The following TBC1D14 variants were observed in gnomAD, a reference collection of about 807,000 sequenced individuals.
The protein encoded by TBC1D14 is TBC1 domain family, member 14.
In TBC1D14, 26 loss-of-function variants were observed where a neutral mutation model predicts 79.0. That is an observed-to-expected ratio of 0.33 (90% confidence interval 0.24 to 0.46). TBC1D14 has a LOEUF of 0.46. Ranked by LOEUF, TBC1D14 falls within the 20% of genes least tolerant of loss-of-function variation. The pLI is 1.00. For missense variants in TBC1D14, 769 were observed against 887.6 expected (o/e 0.87, Z 1.70); for synonymous variants, 394 against 349.9 (o/e 1.13, Z -1.40).
chr4:6,920,428 C>T (rs1053365270), intron 1 of TBC1D14, among the ~76,000 whole-genome samples: 5 of 152,174 alleles, frequency 3.3e-5, no homozygotes, highest in African/African-American at 1.2e-4. Context: ...GCATGAGCCA[C>T]TGCACCTGGC....
At chr4:6,990,056 G>A (rs1238448919) in intron 3 of TBC1D14, among the ~76,000 whole-genome samples, 1 of 152,234 alleles carries the variant, frequency 6.6e-6, no homozygotes, top group Non-Finnish European at 1.5e-5. Flanking sequence ...GAAGCAAATT[G>A]TATTTATGTA....
At chr4:6,941,565 A>AGCTGTGG (rs1712914703) in intron 2 of TBC1D14, among the ~76,000 whole-genome samples, 1 of 152,112 alleles carries the variant, frequency 6.6e-6, no homozygotes, top group African/African-American at 2.4e-5. Context: ...ACTTGCTGTG[A>AGCTGTGG]AGCTGTGGAG....
At chr4:6,971,657 T>A (rs1055356678) in intron 3 of TBC1D14, among the ~76,000 whole-genome samples, 3 of 152,190 alleles carry the variant, frequency 2.0e-5, no homozygotes, top group Non-Finnish European at 2.9e-5. Flanking sequence ...GCTGTCCAGT[T>A]GCGGTCCCCG....
At chr4:6,947,313 C>T (rs543283416) in intron 2 of TBC1D14, among the ~76,000 whole-genome samples, 20 of 152,206 alleles carry the variant, frequency 1.3e-4, no homozygotes, top group African/African-American at 3.9e-4. Flanking sequence ...CTGACTACCA[C>T]GGTGAAACCC....
At chr4:6,982,046 A>T (rs999260467) in intron 3 of TBC1D14, among the ~76,000 whole-genome samples, 1 of 152,266 alleles carries the variant, frequency 6.6e-6, no homozygotes, top group African/African-American at 2.4e-5. Flanking sequence ...GCACAATGGT[A>T]CAGCCATTCT....
At chr4:6,954,195 C>G (rs4484301) in intron 2 of TBC1D14, 326,290 of 690,534 alleles carry the variant, frequency 0.47, 79,574 homozygotes, top group East Asian at 0.64. Context: ...CCGAGTGCAC[C>G]CATGGAGTTT....
intron 3 of TBC1D14, among the ~76,000 whole-genome samples, chr4:6,992,894 C>T (rs147007706): frequency 1.3e-5 from 2 of 152,206 alleles, no homozygotes; most frequent in African/African-American, 4.8e-5. Context: ...TGTTAAGCCA[C>T]AGTAAACAGT....
At chr4:6,923,159 G>A (rs1307312741) in intron 1 of TBC1D14, among the ~76,000 whole-genome samples, 1 of 152,202 alleles carries the variant, frequency 6.6e-6, no homozygotes, top group Non-Finnish European at 1.5e-5. Context: ...CCCAGATGGC[G>A]CCACTGCCCT....
chr4:6,978,740 A>G, intron 3 of TBC1D14, among the ~76,000 whole-genome samples: 1 of 114,750 alleles, frequency 8.7e-6, no homozygotes, highest in Non-Finnish European at 1.8e-5. Context: ...TGATCAATTA[A>G]AAAAAAAAAA....
Position 6,933,594 on chromosome 4 carries a change from C to A in TBC1D14, c.722+9483C>A, listed in dbSNP as rs182583870. 2.0e-3 allele frequency among the ~76,000 whole-genome samples: 300 copies of A among 152,204 alleles called. 1 individual carries two copies. The highest frequency in any genetic ancestry group is 3.6e-3 in the Non-Finnish European group (247 of 68,006). ...GTGTTGGGATTGAGCCACCATGACC[C>A]ACTGTGCCTGGCCTACCTCTGTTTC... On this transcript the variant is annotated intron_variant, in intron 2 of 13. Coordinates refer to ENST00000409757, the MANE Select transcript of TBC1D14 (RefSeq NM_020773.3).
At chr4:7,002,839 A>G (rs1274928094) in intron 7 of TBC1D14, among the ~76,000 whole-genome samples, 1 of 152,184 alleles carries the variant, frequency 6.6e-6, no homozygotes, top group Admixed American at 6.5e-5. Flanking sequence ...GCATCATATT[A>G]GGTTCTTTAC....
At chr4:6,968,782 C>T (rs1375614708) in intron 3 of TBC1D14, among the ~76,000 whole-genome samples, 1 of 152,226 alleles carries the variant, frequency 6.6e-6, no homozygotes, top group Non-Finnish European at 1.5e-5. Flanking sequence ...TTTGCAGAGC[C>T]TCTGAGTGTT....
At chr4:7,028,428 TG>T (rs1722689914) in intron 13 of TBC1D14, among the ~76,000 whole-genome samples, 1 of 151,388 alleles carries the variant, frequency 6.6e-6, no homozygotes, top group African/African-American at 2.4e-5. Context: ...GTCAGTTTTT[TG>T]TTTGTTTTTT....
intron 12 of TBC1D14, among the ~76,000 whole-genome samples, chr4:7,016,343 C>A (rs1406541604): frequency 6.6e-6 from 1 of 152,208 alleles, no homozygotes; most frequent in Non-Finnish European, 1.5e-5. Context: ...GACCTTTATT[C>A]AGCAAATGGT....
At position 6,994,207 on chromosome 4, in the gene TBC1D14, A is replaced by G; in HGVS notation, c.867A>G (p.Arg289=). Residue 289 remains arginine (R), a synonymous_variant, in exon 4 of 14, where the codon AGA becomes AGG. Transcript: ENST00000409757. Reference sequence around the variant, plus strand: ...AGGAATATGAAGACAAGGCTGGAAGACCTAGCAAGCCACCCTCTCCAAAGC... The same window carrying G: ...AGGAATATGAAGACAAGGCTGGAAGGCCTAGCAAGCCACCCTCTCCAAAGC... ...IQKEYEDKAG[R]PSKPPSPKQN... The G allele has an allele frequency of 1.2e-6, 2 of 1,614,190 alleles. No individual in the cohort carries two copies. Among genetic ancestry groups the G allele is most frequent in the South Asian group, 1.1e-5 (1 of 91,080 alleles).
chr4:6,971,065 G>T (rs1218459831), intron 3 of TBC1D14, among the ~76,000 whole-genome samples: 1 of 151,064 alleles, frequency 6.6e-6, no homozygotes, highest in Non-Finnish European at 1.5e-5. Flanking sequence ...ACACTGGCCA[G>T]GAGCTTTGGA....
intron 1 of TBC1D14, among the ~76,000 whole-genome samples, chr4:6,919,242 G>A (rs1723644080): frequency 6.6e-6 from 1 of 151,954 alleles, no homozygotes; most frequent in South Asian, 2.1e-4. Context: ...CACCTCCCGG[G>A]TTCAAGCTAT....
intron 3 of TBC1D14, among the ~76,000 whole-genome samples, chr4:6,990,518 A>T (rs555771724): frequency 1.3e-5 from 2 of 152,162 alleles, no homozygotes; most frequent in African/African-American, 4.8e-5. Context: ...AGTTTATTTT[A>T]CCTGTTAGTC....
At position 7,030,312 on chromosome 4, in the gene TBC1D14, C is replaced by T; in HGVS notation, c.2017-15C>T. 6.2e-7 allele frequency: 1 copy of T among 1,613,204 alleles called. No homozygotes were observed. On this transcript the variant is annotated splice_polypyrimidine_tract_variant and intron_variant, in intron 13 of 13. Transcript: ENST00000409757. ...GTGGTCACTTAACCTCAGCTGTCTT[C>T]CCTGTGACTTCTAGGTACTGACTGC...
Sources: gnomAD v4.1 joint callset for allele counts (sites outside exome capture counted in the v4.1 genomes callset) on GRCh38, gnomAD v4.1.1 for gene constraint, MANE v1.5 for transcripts, NCBI Gene and HGNC (gene_info 2026-07-23, HGNC 2026-07-21) for gene names.